PGBD5: variants seen among roughly 807,000 people sequenced by gnomAD.
PGBD5 encodes the protein piggyBac transposable element-derived protein 5.
PGBD5 carries 14 observed loss-of-function variants against 47.9 expected under a neutral mutation model. That is an observed-to-expected ratio of 0.29 (90% CI 0.19 to 0.46). The LOEUF (loss-of-function observed/expected upper bound fraction) is 0.46. PGBD5 is among the 20% of genes least tolerant of loss of function. The pLI, the probability that PGBD5 is intolerant of heterozygous loss-of-function variation, is 1.00. For missense variants in PGBD5, 635 were observed against 716.0 expected, an observed-to-expected ratio of 0.89 and a Z score of 1.29; for synonymous variants, 316 against 306.3, an observed-to-expected ratio of 1.03 and a Z score of -0.33.
rs962993810 is a variant in PGBD5, at chr1:230,388,577, G to A, written c.332-31256C>T. ...ACTACAGGCGCCCGCCACCACACCC[G>A]GCTAATTTTTTGTATTTTTAGTGGA... is the stretch of plus-strand genomic sequence containing the variant. On this transcript the variant is annotated intron_variant, in intron 1 of 6. Transcript: ENST00000391860. Among the ~76,000 whole-genome samples, 5 of 152,110 alleles carry A rather than the reference G, an allele frequency of 3.3e-5. No homozygotes were observed. The South Asian group carries it at 8.3e-4, about 25-fold the overall frequency.
chr1:230,368,048 C>T, intron 1 of PGBD5: 1 of 1,367,870 alleles, frequency 7.3e-7, no homozygotes, highest in Non-Finnish European at 9.8e-7. Flanking sequence ...ATGAATACTC[C>T]CTGGAAGGCT....
chr1:230,347,383 C>T (rs895925235), intron 3 of PGBD5, among the ~76,000 whole-genome samples: 4 of 152,006 alleles, frequency 2.6e-5, no homozygotes, highest in Non-Finnish European at 4.4e-5. Context: ...GCAGGCTGGG[C>T]GCCCAGGGAC....
At chr1:230,325,702 G>T (rs1003283612) in intron 5 of PGBD5, among the ~76,000 whole-genome samples, 1 of 152,088 alleles carries the variant, frequency 6.6e-6, no homozygotes, top group African/African-American at 2.4e-5. Context: ...GCCTGAAGGG[G>T]CTCTAAGCAG....
intron 1 of PGBD5, among the ~76,000 whole-genome samples, chr1:230,370,398 G>A (rs954127412): frequency 7.9e-5 from 11 of 138,464 alleles, no homozygotes; most frequent in Admixed American, 1.5e-4. Flanking sequence ...CAGAAGTGTT[G>A]CCAAGGGAAA....
At chr1:230,420,072 A>T (rs1657614934) in intron 1 of PGBD5, among the ~76,000 whole-genome samples, 1 of 152,138 alleles carries the variant, frequency 6.6e-6, no homozygotes, top group Non-Finnish European at 1.5e-5. Context: ...GTTGCAGTGC[A>T]CCAAGATTGT....
At chr1:230,366,924 G>A (rs563084252) in intron 1 of PGBD5, among the ~76,000 whole-genome samples, 22 of 152,082 alleles carry the variant, frequency 1.4e-4, no homozygotes, top group African/African-American at 4.6e-4. Context: ...TACTTCTCAC[G>A]AGTTCATATT....
At chr1:230,354,791 ATC>A (rs1157054752) in intron 2 of PGBD5, among the ~76,000 whole-genome samples, 2 of 152,202 alleles carry the variant, frequency 1.3e-5, no homozygotes, top group Admixed American at 1.3e-4. Context: ...GGAGCTCAGC[ATC>A]TGTGTCCTGC....
intron 1 of PGBD5, among the ~76,000 whole-genome samples, chr1:230,421,198 C>T (rs1420693960): frequency 2.6e-5 from 4 of 152,176 alleles, no homozygotes; most frequent in Admixed American, 2.0e-4. Context: ...TGGAAGGCAG[C>T]TACGCCAACC....
At chr1:230,409,236 T>C (rs1657364592) in intron 1 of PGBD5, among the ~76,000 whole-genome samples, 1 of 152,188 alleles carries the variant, frequency 6.6e-6, no homozygotes, top group South Asian at 2.1e-4. Flanking sequence ...ATGAAGAAAC[T>C]GGAACCTTCA....
chr1:230,424,678 T>G (rs576077168), intron 1 of PGBD5, among the ~76,000 whole-genome samples: 1 of 152,218 alleles, frequency 6.6e-6, no homozygotes, highest in Non-Finnish European at 1.5e-5. Context: ...TGCGCGCACT[T>G]CTACGGAAGA....
chr1:230,335,870 CATACACGGACACACAGAT>C, intron 4 of PGBD5, among the ~76,000 whole-genome samples: 1 of 5,930 alleles, frequency 1.7e-4, no homozygotes, highest in Non-Finnish European at 1.3e-3. Context: ...CACACAGATG[CATACACGGACACACAGAT>C]GCATACACGG....
At chr1:230,362,082 AC>A (rs879854264) in intron 1 of PGBD5, among the ~76,000 whole-genome samples, 1 of 151,850 alleles carries the variant, frequency 6.6e-6, no homozygotes, top group South Asian at 2.1e-4. Context: ...GGGTCTGGTC[AC>A]TGTCACAGGG....
At chr1:230,397,396 A>G (rs1460359672) in intron 1 of PGBD5, among the ~76,000 whole-genome samples, 1 of 152,258 alleles carries the variant, frequency 6.6e-6, no homozygotes, top group Non-Finnish European at 1.5e-5. Context: ...GAAGTTCTGA[A>G]GCATAGCAAA....
At chr1:230,348,314 C>T (rs1300050151) in intron 3 of PGBD5, among the ~76,000 whole-genome samples, 1 of 152,194 alleles carries the variant, frequency 6.6e-6, no homozygotes, top group Non-Finnish European at 1.5e-5. Flanking sequence ...AATGACTGAG[C>T]AGCTAGTTCA....
At chr1:230,377,702 G>T (rs1054204051) in intron 1 of PGBD5, 2 of 1,441,928 alleles carry the variant, frequency 1.4e-6, no homozygotes, top group Non-Finnish European at 1.8e-6. Flanking sequence ...AAATGGCAAA[G>T]ATTAGAGTAT....
At chr1:230,380,504 A>G (rs1370141770) in intron 1 of PGBD5, among the ~76,000 whole-genome samples, 2 of 152,222 alleles carry the variant, frequency 1.3e-5, no homozygotes, top group African/African-American at 4.8e-5. Flanking sequence ...CGTCTTGGGC[A>G]GAACCAGCAC....
chr1:230,408,009 G>A (rs1023710490), intron 1 of PGBD5, among the ~76,000 whole-genome samples: 9 of 152,168 alleles, frequency 5.9e-5, no homozygotes, highest in African/African-American at 2.2e-4. Flanking sequence ...GCTACTGCTG[G>A]AGAGAATGGT....
At chr1:230,361,049 C>T (rs1438197535) in intron 1 of PGBD5, among the ~76,000 whole-genome samples, 3 of 152,186 alleles carry the variant, frequency 2.0e-5, no homozygotes, top group Non-Finnish European at 4.4e-5. Context: ...CCTGAGTGCA[C>T]CTGCTGTGGT....
intron 1 of PGBD5, among the ~76,000 whole-genome samples, chr1:230,380,289 T>C (rs983353040): frequency 1.3e-5 from 2 of 152,248 alleles, no homozygotes; most frequent in Non-Finnish European, 2.9e-5. Context: ...CCATTTTCCT[T>C]TACTTAATTA....
Sources: gnomAD v4.1 joint callset for allele counts (sites outside exome capture counted in the v4.1 genomes callset) on GRCh38, gnomAD v4.1.1 for gene constraint, MANE v1.5 for transcripts, NCBI Gene and HGNC (gene_info 2026-07-23, HGNC 2026-07-21) for gene names.